RARS2: variants seen among roughly 807,000 people sequenced by gnomAD.
The protein encoded by RARS2 is probable arginine--tRNA ligase, mitochondrial.
RARS2 carries 67 observed loss-of-function variants against 88.5 expected under a neutral mutation model. That is an observed-to-expected ratio of 0.76 (90% CI 0.62 to 0.93). The LOEUF (loss-of-function observed/expected upper bound fraction) is 0.93, where lower values mean the gene tolerates loss of function less well. Among genes scored for constraint, RARS2 ranks in the 40% least tolerant of loss-of-function variants. RARS2 has a pLI of 0.00. For synonymous variants in RARS2, 239 were observed against 230.3 expected, an observed-to-expected ratio of 1.04 and a Z score of -0.34; for missense variants, 664 against 684.2, an observed-to-expected ratio of 0.97 and a Z score of 0.33.
chr6:87,523,124 TA>T (rs1390770959), intron 11 of RARS2, among the ~76,000 whole-genome samples: 5 of 152,202 alleles, frequency 3.3e-5, no homozygotes, highest in Admixed American at 6.5e-5. Context: ...ACACCTGTTA[TA>T]TTTTTTTGGT....
chr6:87,524,707 AT>A, intron 10 of RARS2, 55 bp from the exon 11 acceptor site: 1 of 1,283,842 alleles, frequency 7.8e-7, no homozygotes, highest in South Asian at 1.2e-5. Context: ...GACCTTTAAA[AT>A]TTTAATATCT....
chr6:87,570,737 TAG>T (rs1286471800), intron 1 of RARS2, among the ~76,000 whole-genome samples: 1 of 152,094 alleles, frequency 6.6e-6, no homozygotes, highest in East Asian at 1.9e-4. Context: ...TTATTTCTTA[TAG>T]AGACAGTCTT....
intron 1 of RARS2, among the ~76,000 whole-genome samples, chr6:87,578,550 T>A (rs1407181877): frequency 6.6e-6 from 1 of 152,222 alleles, no homozygotes; most frequent in East Asian, 1.9e-4. Flanking sequence ...TTAAGCAGTA[T>A]GGCTCAGACA....
At chr6:87,584,552 T>C (rs1582904061) in intron 1 of RARS2, 1 of 318,894 alleles carries the variant, frequency 3.1e-6, no homozygotes, top group African/African-American at 2.2e-5. Context: ...ACCATCATCT[T>C]ACAGCTGACT....
chr6:87,548,650 CAAAAA>C lies in RARS2; in HGVS notation c.396-9_396-5del. On this transcript the variant is annotated splice_polypyrimidine_tract_variant and splice_region_variant and intron_variant, in intron 5 of 19. Transcript: ENST00000369536. Reference sequence around the variant, plus strand: ...TTTTTTGGCAACATTAGGTGAACTGCAAAAAAAATGGGAAACATTTCTCTATTCTA... The same window carrying C: ...TTTTTTGGCAACATTAGGTGAACTGCAAATGGGAAACATTTCTCTATTCTA... 2.1e-5 allele frequency: 34 copies of C among 1,606,578 alleles called. No homozygotes were observed. The highest frequency in any genetic ancestry group is 2.9e-5 in the Non-Finnish European group (34 of 1,175,416).
chr6:87,557,569 A>C (rs1389426379), intron 4 of RARS2, among the ~76,000 whole-genome samples: 1 of 152,230 alleles, frequency 6.6e-6, no homozygotes, highest in Non-Finnish European at 1.5e-5. Flanking sequence ...GGCAACATTA[A>C]TAATTTTTAA....
At chr6:87,569,655 C>A in intron 1 of RARS2, 65 bp from the exon 2 acceptor site, 1 of 1,238,216 alleles carries the variant, frequency 8.1e-7, no homozygotes, top group South Asian at 1.2e-5. Flanking sequence ...CAATGGAATA[C>A]CACTTGTAAG....
At chr6:87,540,033 A>T (rs562187083) in intron 8 of RARS2, among the ~76,000 whole-genome samples, 1 of 152,274 alleles carries the variant, frequency 6.6e-6, no homozygotes, top group Admixed American at 6.5e-5. Flanking sequence ...CTATCAATAA[A>T]ACTCTTAATG....
At chr6:87,575,269 AC>A in intron 1 of RARS2, among the ~76,000 whole-genome samples, 1 of 141,714 alleles carries the variant, frequency 7.1e-6, no homozygotes, top group East Asian at 2.0e-4. Flanking sequence ...ACACACACAC[AC>A]ACACACACCT....
At chr6:87,514,873 A>G (rs1771031403) in intron 19 of RARS2, 84 bp downstream of exon 19, 4 of 1,174,594 alleles carry the variant, frequency 3.4e-6, no homozygotes, top group Non-Finnish European at 5.1e-6. Context: ...ACAGAATGCT[A>G]TTTTAGAAAA....
At chr6:87,550,832 A>G (rs1784109166) in intron 5 of RARS2, among the ~76,000 whole-genome samples, 1 of 151,224 alleles carries the variant, frequency 6.6e-6, no homozygotes, top group South Asian at 2.1e-4. Flanking sequence ...GCAAGAAGTG[A>G]AAACAATGTA....
intron 4 of RARS2, among the ~76,000 whole-genome samples, chr6:87,562,176 A>T (rs1037897594): frequency 6.6e-6 from 1 of 152,086 alleles, no homozygotes; most frequent in Non-Finnish European, 1.5e-5. Flanking sequence ...GCTGGTCTTG[A>T]ACTTCCGGGC....
At chr6:87,537,334 A>G (rs1272899181) in intron 8 of RARS2, among the ~76,000 whole-genome samples, 1 of 152,086 alleles carries the variant, frequency 6.6e-6, no homozygotes, top group Non-Finnish European at 1.5e-5. Flanking sequence ...AAGCCATTCT[A>G]TAGTGGGGGT....
chr6:87,571,958 T>C (rs1769883835), intron 1 of RARS2, among the ~76,000 whole-genome samples: 2 of 152,216 alleles, frequency 1.3e-5, no homozygotes. Flanking sequence ...AAAAAGTCAT[T>C]TCTTTAGGAT....
At chr6:87,574,064 C>A (rs1382912629) in intron 1 of RARS2, among the ~76,000 whole-genome samples, 1 of 152,144 alleles carries the variant, frequency 6.6e-6, no homozygotes, top group Non-Finnish European at 1.5e-5. Context: ...CCTCTTGCAA[C>A]TAAGAGATGC....
chr6:87,584,498 A>T (rs1311886530), intron 1 of RARS2, among the ~76,000 whole-genome samples: 4 of 152,218 alleles, frequency 2.6e-5, no homozygotes, highest in Non-Finnish European at 5.9e-5. Context: ...AATCTTCAAC[A>T]TCATTATTAA....
At chr6:87,570,533 C>T (rs1342937172) in intron 1 of RARS2, among the ~76,000 whole-genome samples, 1 of 152,124 alleles carries the variant, frequency 6.6e-6, no homozygotes, top group African/African-American at 2.4e-5. Flanking sequence ...ATTCTCCTGC[C>T]TCAGCCGCCC....
chr6:87,589,663 G>A (rs1440986972), intron 1 of RARS2: 1 of 985,060 alleles, frequency 1.0e-6, no homozygotes, highest in Non-Finnish European at 1.2e-6. Context: ...AGCATTCATA[G>A]CTGTGGGGTG....
chr6:87,541,374 A>G (rs865972798), intron 8 of RARS2, among the ~76,000 whole-genome samples: 2 of 152,100 alleles, frequency 1.3e-5, no homozygotes, highest in Non-Finnish European at 2.9e-5. Flanking sequence ...GCCAGGTCTC[A>G]TTATGTTGCC....
Sources: allele counts gnomAD v4.1 joint callset (sites outside exome capture counted in the v4.1 genomes callset), GRCh38; gene constraint gnomAD v4.1.1; transcripts MANE v1.5; gene names NCBI Gene and HGNC (gene_info 2026-07-23, HGNC 2026-07-21).